The following ARHGAP24 variants were observed in gnomAD, a reference collection of about 807,000 sequenced individuals.
ARHGAP24 encodes rho GTPase-activating protein 24.
In ARHGAP24, 50 loss-of-function variants were observed where a neutral mutation model predicts 76.4. The ratio of observed to expected loss-of-function variants is 0.65; its 90% CI spans 0.52 to 0.83. ARHGAP24 has a LOEUF of 0.83. Among genes scored for constraint, ARHGAP24 ranks in the 40% least tolerant of loss-of-function variants. ARHGAP24 has a pLI of 0.00. For missense variants in ARHGAP24, 930 were observed against 914.2 expected, an observed-to-expected ratio of 1.02 and a Z score of -0.22; for synonymous variants, 345 against 323.3, an observed-to-expected ratio of 1.07 and a Z score of -0.72.
At chr4:85,619,577 G>C (rs1451676740) in intron 2 of ARHGAP24, among the ~76,000 whole-genome samples, 1 of 150,882 alleles carries the variant, frequency 6.6e-6, no homozygotes. Context: ...ATTTAATTCT[G>C]CCAATCCACA....
At position 85,927,003 on chromosome 4, in the gene ARHGAP24, G is replaced by T. The variant is rs72976244; in HGVS notation, c.391+3233G>T. Among the ~76,000 whole-genome samples, 870 of 152,060 alleles carry T rather than the reference G, an allele frequency of 5.7e-3. 8 individuals are homozygous for T. Among genetic ancestry groups the T allele is most frequent in the African/African-American group, 0.018 (744 of 41,462 alleles). Reference sequence around the variant, plus strand: ...AAAGTTTTTAAACATACAATAATTAGAATTAATATAGTTTTATGAGTCATT... The same window carrying T: ...AAAGTTTTTAAACATACAATAATTATAATTAATATAGTTTTATGAGTCATT... On this transcript the variant is annotated intron_variant, in intron 4 of 9. Transcript: ENST00000395184.
At chr4:85,971,913 A>G in intron 5 of ARHGAP24, 123 bp from the exon 6 acceptor site, 1 of 1,398,930 alleles carries the variant, frequency 7.1e-7, no homozygotes, top group African/African-American at 1.4e-5. Context: ...CTCTCTGAAA[A>G]CTGGGTTGAT....
intron 3 of ARHGAP24, among the ~76,000 whole-genome samples, chr4:85,885,427 G>A (rs941746609): frequency 2.0e-5 from 3 of 151,994 alleles, no homozygotes; most frequent in Non-Finnish European, 4.4e-5. Context: ...AGAAACTCAC[G>A]AATACCTATT....
At chr4:85,718,857 G>T (rs1724828193) in intron 2 of ARHGAP24, among the ~76,000 whole-genome samples, 1 of 152,118 alleles carries the variant, frequency 6.6e-6, no homozygotes, top group Non-Finnish European at 1.5e-5. Context: ...GCATTACTTG[G>T]AGTTTTTAAA....
chr4:85,656,552 T>C (rs1905082), intron 2 of ARHGAP24, among the ~76,000 whole-genome samples: 63,035 of 151,902 alleles, frequency 0.41, 15,078 homozygotes, highest in East Asian at 0.84. Context: ...ACTGCAAACT[T>C]CGCCTCCTGA....
At chr4:85,544,409 G>A (rs1471396495) in intron 1 of ARHGAP24, among the ~76,000 whole-genome samples, 2 of 151,980 alleles carry the variant, frequency 1.3e-5, no homozygotes, top group Admixed American at 1.3e-4. Flanking sequence ...GGAAACCCTA[G>A]TTAGTATAAG....
chr4:85,830,991 C>T (rs1271648100), intron 3 of ARHGAP24, among the ~76,000 whole-genome samples: 1 of 152,162 alleles, frequency 6.6e-6, no homozygotes, highest in Non-Finnish European at 1.5e-5. Flanking sequence ...AGCCTGGTTG[C>T]TGGAATATGA....
At chr4:85,947,340 G>T (rs1211735245) in intron 5 of ARHGAP24, among the ~76,000 whole-genome samples, 6 of 151,966 alleles carry the variant, frequency 3.9e-5, no homozygotes, top group Admixed American at 3.9e-4. Flanking sequence ...AGTTTAATTA[G>T]GTCTCATTTG....
chr4:85,671,973 G>T (rs1722829001), intron 2 of ARHGAP24, among the ~76,000 whole-genome samples: 1 of 152,044 alleles, frequency 6.6e-6, no homozygotes, highest in Admixed American at 6.6e-5. Context: ...CCATCGTTTT[G>T]GGCCCCAAGC....
At chr4:85,796,946 T>A (rs980355473) in intron 3 of ARHGAP24, among the ~76,000 whole-genome samples, 2 of 152,020 alleles carry the variant, frequency 1.3e-5, no homozygotes, top group Non-Finnish European at 2.9e-5. Flanking sequence ...AACTGCTTTG[T>A]GAGGAGGGAC....
intron 3 of ARHGAP24, among the ~76,000 whole-genome samples, chr4:85,732,406 G>A (rs938066781): frequency 6.6e-6 from 1 of 152,214 alleles, no homozygotes; most frequent in Non-Finnish European, 1.5e-5. Flanking sequence ...TTGTAGCCAG[G>A]AGAGCACTGG....
chr4:85,774,599 T>C (rs749484005), intron 3 of ARHGAP24, among the ~76,000 whole-genome samples: 11 of 152,172 alleles, frequency 7.2e-5, no homozygotes, highest in Non-Finnish European at 1.2e-4. Context: ...CATATCTAGT[T>C]AGGTACATAT....
chr4:85,520,566 G>A (rs910804062), intron 1 of ARHGAP24, among the ~76,000 whole-genome samples: 1 of 152,116 alleles, frequency 6.6e-6, no homozygotes, highest in Non-Finnish European at 1.5e-5. Flanking sequence ...TGGGGGGAAG[G>A]AAATTTCCTA....
At chr4:85,651,950 G>A (rs1300285318) in intron 2 of ARHGAP24, among the ~76,000 whole-genome samples, 1 of 152,088 alleles carries the variant, frequency 6.6e-6, no homozygotes, top group East Asian at 1.9e-4. Context: ...ATTTTTGATA[G>A]CGAACAATTT....
chr4:85,813,662 C>T (rs1455590441), intron 3 of ARHGAP24, among the ~76,000 whole-genome samples: 2 of 151,622 alleles, frequency 1.3e-5, no homozygotes, highest in Admixed American at 6.6e-5. Context: ...CCCCCCACTG[C>T]CAGCTTTATT....
intron 5 of ARHGAP24, among the ~76,000 whole-genome samples, chr4:85,960,904 G>A (rs1308290695): frequency 2.6e-5 from 4 of 152,074 alleles, no homozygotes; most frequent in African/African-American, 7.2e-5. Context: ...CTGAAATGCT[G>A]TCATGAATAT....
At chr4:85,852,454 C>A (rs1014966064) in intron 3 of ARHGAP24, among the ~76,000 whole-genome samples, 1 of 152,212 alleles carries the variant, frequency 6.6e-6, no homozygotes, top group Non-Finnish European at 1.5e-5. Context: ...ATTCTGTCAA[C>A]TCGTCAAAGT....
intron 3 of ARHGAP24, among the ~76,000 whole-genome samples, chr4:85,795,771 A>G (rs1234685759): frequency 3.3e-5 from 5 of 152,244 alleles, no homozygotes; most frequent in African/African-American, 1.2e-4. Flanking sequence ...ACACAAAATA[A>G]TAAAAACACA....
chr4:85,547,269 T>A (rs1725955494), intron 1 of ARHGAP24, among the ~76,000 whole-genome samples: 1 of 152,172 alleles, frequency 6.6e-6, no homozygotes, highest in Non-Finnish European at 1.5e-5. Context: ...TTGAGAGTTT[T>A]GAAAACACGG....
Sources: gnomAD v4.1 joint callset for allele counts (sites outside exome capture counted in the v4.1 genomes callset) on GRCh38, gnomAD v4.1.1 for gene constraint, MANE v1.5 for transcripts, NCBI Gene and HGNC (gene_info 2026-07-23, HGNC 2026-07-21) for gene names.